ASXL2: variants seen among roughly 807,000 people sequenced by gnomAD.
The protein encoded by ASXL2 is ASXL transcriptional regulator 2.
A neutral mutation model predicts 122.0 loss-of-function variants in ASXL2; 23 were observed. That is an observed-to-expected ratio of 0.19 (90% confidence interval 0.14 to 0.27). ASXL2 has a LOEUF of 0.27. ASXL2 is among the 10% of genes least tolerant of loss of function. The probability of loss-of-function intolerance (pLI) is 1.00; values close to 1 mark genes in which losing one functional copy is unlikely to be tolerated. For synonymous variants in ASXL2, 650 were observed against 637.0 expected (o/e 1.02, Z -0.31); for missense variants, 1,518 against 1,713.8 (o/e 0.89, Z 2.02).
chr2:25,798,937 G>A (rs1395979429), intron 5 of ASXL2, among the ~76,000 whole-genome samples: 1 of 152,098 alleles, frequency 6.6e-6, no homozygotes, highest in South Asian at 2.1e-4. Flanking sequence ...AAATTCTAAC[G>A]TAAACCATGG....
intron 1 of ASXL2, among the ~76,000 whole-genome samples, chr2:25,871,668 C>T (rs1286227333): frequency 3.3e-5 from 5 of 152,116 alleles, no homozygotes; most frequent in Non-Finnish European, 7.4e-5. Flanking sequence ...CTCGGCTCAC[C>T]GCAACCTCCG....
At chr2:25,845,421 T>C (rs1340052649) in intron 2 of ASXL2, 60 bp downstream of exon 2, 5 of 1,330,614 alleles carry the variant, frequency 3.8e-6, no homozygotes, top group Non-Finnish European at 5.0e-6. Context: ...TACTATTATA[T>C]ACTACCAAAT....
Position 25,749,945 on chromosome 2 carries a change from T to C in ASXL2, c.1611A>G (p.Ile537Met), listed in dbSNP as rs752795781. Residue 537 changes from isoleucine (I) to methionine (M), a missense_variant, in exon 12 of 13, where the codon ATA (isoleucine) becomes ATG (methionine). By Grantham distance (10) the Ile-to-Met change is conservative. Coordinates refer to ENST00000435504, the MANE Select transcript of ASXL2 (RefSeq NM_018263.6). ...KPKSPGVEKPIVKPTAGAGPQ... is the reference protein window; with the variant it reads ...KPKSPGVEKPMVKPTAGAGPQ... ...GACCCGCTCCTGCTGTGGGCTTCACTATTGGTTTTTCAACCCCAGGACTCT... is the reference window on the plus strand; with the variant it reads ...GACCCGCTCCTGCTGTGGGCTTCACCATTGGTTTTTCAACCCCAGGACTCT... 6.2e-7 allele frequency: 1 copy of C among 1,613,988 alleles called. No individual in the cohort carries two copies. Among genetic ancestry groups the C allele is most frequent in the Non-Finnish European group, 8.5e-7 (1 of 1,179,868 alleles).
chr2:25,822,034 T>C (rs1371802219), intron 3 of ASXL2, among the ~76,000 whole-genome samples: 1 of 152,150 alleles, frequency 6.6e-6, no homozygotes, highest in East Asian at 1.9e-4. Context: ...ATGGACTGAA[T>C]CTCACTGGCA....
intron 5 of ASXL2, among the ~76,000 whole-genome samples, chr2:25,772,720 A>G (rs1423747822): frequency 7.8e-6 from 1 of 127,512 alleles, no homozygotes; most frequent in Non-Finnish European, 1.7e-5. Flanking sequence ...CAAGAGCGAA[A>G]CTTGGTCTCA....
intron 5 of ASXL2, among the ~76,000 whole-genome samples, chr2:25,785,213 ATT>A (rs1380470211): frequency 1.3e-5 from 2 of 152,020 alleles, no homozygotes; most frequent in Non-Finnish European, 2.9e-5. Flanking sequence ...TCCCAAACTT[ATT>A]TATTTATTTG....
At chr2:25,753,365 A>G (rs1385810494) in intron 11 of ASXL2, among the ~76,000 whole-genome samples, 169 bp downstream of exon 11, 1 of 151,916 alleles carries the variant, frequency 6.6e-6, no homozygotes, top group East Asian at 1.9e-4. Context: ...TCATAATAAG[A>G]AAAAAACTTC....
chr2:25,829,833 G>T (rs888801997), intron 3 of ASXL2, among the ~76,000 whole-genome samples: 10 of 152,190 alleles, frequency 6.6e-5, no homozygotes, highest in Admixed American at 1.3e-4. Context: ...TCCAGCCCAG[G>T]AAGCCTCTTT....
chr2:25,822,990 A>G, intron 3 of ASXL2: 1 of 509,240 alleles, frequency 2.0e-6, no homozygotes, highest in South Asian at 1.5e-5. Flanking sequence ...AAGAAAAATA[A>G]CTTCTCTGCA....
chr2:25,804,020 C>T (rs1378970949), intron 4 of ASXL2, among the ~76,000 whole-genome samples: 5 of 151,942 alleles, frequency 3.3e-5, no homozygotes, highest in Non-Finnish European at 7.4e-5. Context: ...ATAGAATAGG[C>T]ATTTAATAAA....
intron 2 of ASXL2, among the ~76,000 whole-genome samples, chr2:25,842,079 T>A (rs1185930499): frequency 1.4e-5 from 2 of 143,902 alleles, no homozygotes; most frequent in Non-Finnish European, 3.0e-5. Context: ...GCCACTGCAC[T>A]CCAGCCTGGG....
intron 5 of ASXL2, among the ~76,000 whole-genome samples, chr2:25,772,437 A>G (rs2088471332): frequency 6.6e-6 from 1 of 152,202 alleles, no homozygotes; most frequent in Non-Finnish European, 1.5e-5. Flanking sequence ...AAGATGTCAT[A>G]AAAGTACACA....
rs35388163 is a variant in ASXL2, at chr2:25,843,301, C to CAA, written c.140+2178_140+2179dup. ...TGGGCGACACAGAGAGACTTCGTCTCAAAAAAAAAAAAAAAAAAATAGAGA... is the reference window on the plus strand; with the variant it reads ...TGGGCGACACAGAGAGACTTCGTCTCAAAAAAAAAAAAAAAAAAAAATAGAGA... On this transcript the variant is annotated intron_variant, in intron 2 of 12. Transcript: ENST00000435504. Among the ~76,000 whole-genome samples the CAA allele has an allele frequency of 1.6e-3, 148 of 92,982 alleles. 2 individuals carry two copies. Among genetic ancestry groups the CAA allele is most frequent in the African/African-American group, 3.0e-3 (71 of 23,768 alleles). The allele number at this position is 92,982 out of a possible 152,430, so 61.0% of individuals were successfully genotyped here. A position where few individuals can be genotyped will look rare whatever the true frequency, so the allele number is the denominator to read the frequency against.
chr2:25,854,623 C>T (rs1306611504), intron 1 of ASXL2, among the ~76,000 whole-genome samples: 1 of 152,106 alleles, frequency 6.6e-6, no homozygotes, highest in Non-Finnish European at 1.5e-5. Flanking sequence ...TCAGTGCTTC[C>T]ACATCTAATG....
chr2:25,747,433 G>C (rs902217182), intron 12 of ASXL2, among the ~76,000 whole-genome samples: 10 of 152,302 alleles, frequency 6.6e-5, no homozygotes, highest in Admixed American at 2.6e-4. Context: ...CAGTATTTGA[G>C]ATAGGGTCTA....
chr2:25,832,712 A>G (rs937915250), intron 3 of ASXL2, among the ~76,000 whole-genome samples: 1 of 152,250 alleles, frequency 6.6e-6, no homozygotes, highest in Non-Finnish European at 1.5e-5. Flanking sequence ...TGGAAAATGT[A>G]TGCCCATACA....
At chr2:25,803,442 G>A (rs2089030090) in intron 4 of ASXL2, among the ~76,000 whole-genome samples, 1 of 152,176 alleles carries the variant, frequency 6.6e-6, no homozygotes, top group African/African-American at 2.4e-5. Flanking sequence ...TGGGACTTGC[G>A]ACAGTTGGCA....
At chr2:25,817,838 C>T (rs1245051814) in intron 3 of ASXL2, among the ~76,000 whole-genome samples, 1 of 152,094 alleles carries the variant, frequency 6.6e-6, no homozygotes, top group Non-Finnish European at 1.5e-5. Flanking sequence ...AGAGTGAGAA[C>T]CCCAGATGCC....
chr2:25,755,982 A>G (rs375102290), intron 10 of ASXL2, 36 bp downstream of exon 10: 14 of 1,551,254 alleles, frequency 9.0e-6, no homozygotes, highest in Non-Finnish European at 9.8e-6. Flanking sequence ...CTGAGTGCAC[A>G]CACCACCTGG....
Sources: allele counts gnomAD v4.1 joint callset (sites outside exome capture counted in the v4.1 genomes callset), GRCh38; gene constraint gnomAD v4.1.1; transcripts MANE v1.5; gene names NCBI Gene and HGNC (gene_info 2026-07-23, HGNC 2026-07-21).